TTLL8: variants seen among roughly 807,000 people sequenced by gnomAD.
TTLL8 encodes the protein protein monoglycylase TTLL8.
In TTLL8, 65 loss-of-function variants were observed where a neutral mutation model predicts 77.8. The observed-to-expected ratio is 0.84, with a 90% CI of 0.68 to 1.03. The LOEUF is 1.03. Ranked by LOEUF, TTLL8 falls within the 50% of genes least tolerant of loss-of-function variation. The probability of loss-of-function intolerance (pLI) is 0.00; values close to 1 mark genes in which losing one functional copy is unlikely to be tolerated. For synonymous variants in TTLL8, 402 were observed against 422.8 expected (o/e 0.95, Z 0.60); for missense variants, 910 against 1,004.5 (o/e 0.91, Z 1.27).
Position 50,050,856 on chromosome 22 carries a change from C to G in TTLL8, c.52-609G>C, listed in dbSNP as rs1014804454. ...TATCACGACCCTTTCACGTGGACCC[C>G]TTAAAGTTGTAAGCCTTTAAAAAGG... On this transcript the variant is annotated intron_variant, in intron 1 of 13. Transcript: ENST00000266182. 7.9e-5 allele frequency among the ~76,000 whole-genome samples: 12 copies of G among 152,198 alleles called. No homozygotes were observed. In the South Asian group the frequency reaches 2.5e-3, roughly 32 times the overall value.
At chr22:50,049,999 A>T in intron 2 of TTLL8, 110 bp downstream of exon 4, 1 of 1,226,580 alleles carries the variant, frequency 8.2e-7, no homozygotes, top group Non-Finnish European at 1.0e-6. Context: ...ATACCCCATC[A>T]CGCACACCAG....
upstream of TTLL8, among the ~76,000 whole-genome samples, chr22:50,057,407 GGGC>G (rs1464316678): frequency 1.8e-5 from 2 of 110,884 alleles, no homozygotes; most frequent in African/African-American, 7.5e-5. Flanking sequence ...GGTCTGGGTT[GGGC>G]GGGAGGTCTG....
At chr22:50,049,285 C>T (rs936808687) in exon 3 of TTLL8, 1 of 1,367,692 alleles carries the variant, frequency 7.3e-7, no homozygotes, top group South Asian at 1.1e-5. Flanking sequence ...TCTCCAAAGC[C>T]ATTTCTTGAT....
chr22:50,055,209 C>G (rs76127602), upstream of TTLL8: 24,268 of 1,284,196 alleles, frequency 0.019, 263 homozygotes, highest in Non-Finnish European at 0.023. Flanking sequence ...GTCCCCCTCC[C>G]CACCGAGTCC....
rs560949936 is a variant in TTLL8, at chr22:50,041,468, C to T, written c.830+153G>A. Reference sequence around the variant, plus strand: ...ATCCCAGACATCCAGACAGGAGCCCCAACGCCAGGACAGGCATCTCAACAC... The same window carrying T: ...ATCCCAGACATCCAGACAGGAGCCCTAACGCCAGGACAGGCATCTCAACAC... On this transcript the variant is annotated intron_variant, in intron 7 of 13. Transcript: ENST00000266182. This position sits in a 1 kb window ranked among gnomAD's most constrained non-coding sequence, Gnocchi z 4.3. The T allele has an allele frequency of 3.2e-5, 31 of 971,164 alleles. No homozygotes were observed. The African/African-American group carries it at 5.4e-4, about 17-fold the overall frequency. 60.2% of individuals were successfully genotyped at this position (971,164 alleles called of 1,614,324 possible). A position where few individuals can be genotyped will look rare whatever the true frequency, so the allele number is the denominator to read the frequency against.
chr22:50,046,542 C>T (rs1329556222), intron 4 of TTLL8, among the ~76,000 whole-genome samples: 2 of 152,242 alleles, frequency 1.3e-5, no homozygotes, highest in Non-Finnish European at 2.9e-5. Flanking sequence ...TTTGAAGGGG[C>T]CATGTTGCCA....
intron 8 of TTLL8, among the ~76,000 whole-genome samples, chr22:50,039,051 TTAAA>T (rs977264001): frequency 2.6e-5 from 4 of 152,358 alleles, no homozygotes; most frequent in Admixed American, 6.5e-5. Context: ...ACTGGTTTAA[TTAAA>T]TAATATTTCG....
intron 2 of TTLL8, among the ~76,000 whole-genome samples, 168 bp from the exon 5 acceptor site, chr22:50,049,490 G>A (rs1285699007): frequency 6.6e-6 from 1 of 152,218 alleles, no homozygotes; most frequent in Non-Finnish European, 1.5e-5. Flanking sequence ...CCTGAGTCAG[G>A]CTTGGGGCAT....
chr22:50,034,543 G>T lies in TTLL8; in HGVS notation c.922-81C>A. On this transcript the variant is annotated intron_variant, in intron 8 of 13. Coordinates refer to ENST00000266182, the Ensembl canonical transcript of TTLL8. The surrounding 1 kb of genome is among the most constrained non-coding windows in gnomAD (Gnocchi z 4.1). ...ATCCAGAAAGTGCATGAGACTTGGA[G>T]GCCTGGGCCCCGCCTCACCCACCAA... 1 of 1,282,788 alleles carries T rather than the reference G, an allele frequency of 7.8e-7. No homozygotes were observed. The highest frequency in any genetic ancestry group is 1.0e-6 in the Non-Finnish European group (1 of 977,432). The allele number at this position is 1,282,788 out of a possible 1,614,324, so 79.5% of individuals were successfully genotyped here. A position where few individuals can be genotyped will look rare whatever the true frequency, so the allele number is the denominator to read the frequency against.
At chr22:50,018,880 G>C (rs1172618799) in intron 12 of TTLL8, among the ~76,000 whole-genome samples, 89 bp from the exon 14 acceptor site, 4 of 152,232 alleles carry the variant, frequency 2.6e-5, no homozygotes, top group African/African-American at 4.8e-5. Flanking sequence ...TGAGCAGAAA[G>C]AAAGTGGTTC....
chr22:50,026,781 T>C (rs1379554657), intron 12 of TTLL8, among the ~76,000 whole-genome samples: 2 of 152,178 alleles, frequency 1.3e-5, no homozygotes, highest in Non-Finnish European at 2.9e-5. Flanking sequence ...TGGAAAGAGA[T>C]ACTATTTACT....
upstream of TTLL8, among the ~76,000 whole-genome samples, chr22:50,054,786 A>C (rs1054184882): frequency 1.3e-5 from 2 of 152,246 alleles, no homozygotes; most frequent in East Asian, 3.9e-4. Context: ...GGCTAGGCGC[A>C]GTCACTCATG....
intron 12 of TTLL8, among the ~76,000 whole-genome samples, chr22:50,026,752 A>AT (rs2061231954): frequency 6.6e-6 from 1 of 152,214 alleles, no homozygotes; most frequent in Non-Finnish European, 1.5e-5. Context: ...TAGGTAAGTC[A>AT]TACCTTCACA....
At chr22:50,026,683 T>G (rs1432344523) in intron 12 of TTLL8, among the ~76,000 whole-genome samples, 2 of 152,238 alleles carry the variant, frequency 1.3e-5, no homozygotes, top group Admixed American at 1.3e-4. Context: ...TGTGGCTGTG[T>G]GGGTATCACA....
rs748990973 is a variant in TTLL8 at position 50,049,245 on chromosome 22, G to A, written c.264+4C>T. Reference sequence around the variant, plus strand: ...GCTGACCATGACGCATGCAGGGGACGTACCATCACGTCGTGGATGTTGTCT... The same window carrying A: ...GCTGACCATGACGCATGCAGGGGACATACCATCACGTCGTGGATGTTGTCT... On this transcript the variant is annotated splice_donor_region_variant and intron_variant, in intron 3 of 13. Coordinates refer to ENST00000266182, the Ensembl canonical transcript of TTLL8. 9 of 1,367,458 alleles carry A rather than the reference G, an allele frequency of 6.6e-6. No homozygotes were observed. Among genetic ancestry groups the A allele is most frequent in the African/African-American group, 3.0e-5 (2 of 67,758 alleles). The allele number at this position is 1,367,458 out of a possible 1,614,324, so 84.7% of individuals were successfully genotyped here. A position where few individuals can be genotyped will look rare whatever the true frequency, so the allele number is the denominator to read the frequency against.
At chr22:50,030,773 C>A in exon 12 of TTLL8, 2 of 1,345,206 alleles carry the variant, frequency 1.5e-6, no homozygotes. Flanking sequence ...CTGGCATGGC[C>A]GAGGGGCCCC....
At chr22:50,018,843 C>T (rs2061180318) in intron 12 of TTLL8, among the ~76,000 whole-genome samples, 52 bp from the exon 14 acceptor site, 1 of 152,222 alleles carries the variant, frequency 6.6e-6, no homozygotes, top group Non-Finnish European at 1.5e-5. Context: ...CGTCCCATCA[C>T]TGGCACCTTC....
intron 12 of TTLL8, among the ~76,000 whole-genome samples, chr22:50,022,673 C>A (rs1328783379): frequency 6.6e-6 from 1 of 152,110 alleles, no homozygotes; most frequent in African/African-American, 2.4e-5. Flanking sequence ...TTGATGAAAA[C>A]CCAGCATCCC....
chr22:50,021,254 CATCT>C (rs1569217800), intron 12 of TTLL8, among the ~76,000 whole-genome samples: 1 of 150,056 alleles, frequency 6.7e-6, no homozygotes, highest in Non-Finnish European at 1.5e-5. Flanking sequence ...TGTACTCCTC[CATCT>C]GACAATGTGC....
Sources: allele counts gnomAD v4.1 joint callset (sites outside exome capture counted in the v4.1 genomes callset), GRCh38; gene constraint gnomAD v4.1.1; non-coding constraint Gnocchi (gnomAD v3.1); transcripts MANE v1.5; gene names NCBI Gene and HGNC (gene_info 2026-07-23, HGNC 2026-07-21).